MDGA2: variants seen among roughly 807,000 people sequenced by gnomAD.
MDGA2 encodes MAM domain containing glycosylphosphatidylinositol anchor 2, also known as MAM domain-containing glycosylphosphatidylinositol anchor protein 2.
In MDGA2, 40 loss-of-function variants were observed where a neutral mutation model predicts 117.8. The observed-to-expected ratio is 0.34, with a 90% confidence interval of 0.26 to 0.44. The LOEUF (loss-of-function observed/expected upper bound fraction) is 0.44, where lower values mean the gene tolerates loss of function less well. Ranked by LOEUF, MDGA2 falls within the 20% of genes least tolerant of loss-of-function variation. The pLI, the probability that MDGA2 is intolerant of heterozygous loss-of-function variation, is 1.00. For missense variants in MDGA2, 1,123 were observed against 1,250.6 expected, an observed-to-expected ratio of 0.90 and a Z score of 1.54; for synonymous variants, 452 against 439.0, an observed-to-expected ratio of 1.03 and a Z score of -0.37.
chr14:47,097,824 T>C (rs1880066200), intron 5 of MDGA2, among the ~76,000 whole-genome samples: 1 of 152,014 alleles, frequency 6.6e-6, no homozygotes, highest in African/African-American at 2.4e-5. Flanking sequence ...CCACTACTGT[T>C]TGGGTTATAA....
At chr14:46,921,014 G>C (rs562706197) in intron 9 of MDGA2, among the ~76,000 whole-genome samples, 11 of 152,170 alleles carry the variant, frequency 7.2e-5, no homozygotes, top group African/African-American at 2.6e-4. Context: ...AAAATGAAAA[G>C]TTTACACACC....
Position 46,855,259 on chromosome 14 carries a change from C to G in MDGA2, c.2753-105G>C. The G allele has an allele frequency of 2.3e-6, 2 of 868,716 alleles. No homozygotes were observed. Among genetic ancestry groups the G allele is most frequent in the Non-Finnish European group, 3.5e-6 (2 of 569,452 alleles). The allele number at this position is 868,716 out of a possible 1,614,324, so 53.8% of individuals were successfully genotyped here. A position where few individuals can be genotyped will look rare whatever the true frequency, so the allele number is the denominator to read the frequency against. On this transcript the variant is annotated intron_variant, in intron 14 of 16. Coordinates refer to ENST00000399232, the MANE Select transcript of MDGA2 (RefSeq NM_001113498.3). The surrounding 1 kb of genome is among the most constrained non-coding windows in gnomAD (Gnocchi z 4.1). ...CTTTTTAAACTGAAATTTTACAGAA[C>G]ACTCTAGTGTCTTGTCCTCTCTTCT...
intron 1 of MDGA2, among the ~76,000 whole-genome samples, chr14:47,548,938 TA>T (rs1392100117): frequency 6.6e-6 from 1 of 152,194 alleles, no homozygotes; most frequent in Non-Finnish European, 1.5e-5. Flanking sequence ...TGAGGTTATT[TA>T]TTTTTTTTCA....
rs555821511 is a variant in MDGA2, at chr14:47,006,983, C to T, written c.1819+28028G>A. ...ATTTAAGCAATGTTCTTTCTCATTG[C>T]AACTCATTACCTCCACAAATTTATG... On this transcript the variant is annotated intron_variant, in intron 8 of 16. Transcript: ENST00000399232. Among the ~76,000 whole-genome samples, 3 of 151,852 alleles carry T rather than the reference C, an allele frequency of 2.0e-5. No homozygotes were observed. In the South Asian group the frequency reaches 6.2e-4, roughly 31 times the overall value.
chr14:47,668,649 G>A (rs1277780804), intron 1 of MDGA2, among the ~76,000 whole-genome samples: 2 of 152,200 alleles, frequency 1.3e-5, no homozygotes, highest in Non-Finnish European at 2.9e-5. Context: ...AGAAACAAAA[G>A]TTATTTTGTG....
intron 1 of MDGA2, among the ~76,000 whole-genome samples, chr14:47,397,933 T>C (rs767456670): frequency 2.0e-5 from 3 of 152,166 alleles, no homozygotes; most frequent in Non-Finnish European, 4.4e-5. Flanking sequence ...ATCTGGTGAC[T>C]AACAATTACA....
chr14:47,651,324 ATT>A (rs1897639968), intron 1 of MDGA2, among the ~76,000 whole-genome samples: 1 of 151,894 alleles, frequency 6.6e-6, no homozygotes, highest in Non-Finnish European at 1.5e-5. Context: ...CAGGGCAGAC[ATT>A]TTCGGAGCAA....
chr14:47,532,497 C>T (rs765818772), intron 1 of MDGA2, among the ~76,000 whole-genome samples: 39 of 152,310 alleles, frequency 2.6e-4, no homozygotes, highest in Non-Finnish European at 4.9e-4. Context: ...TAGGGCCATA[C>T]CTCTAGCCCT....
rs145494755 is a variant in MDGA2 at position 47,661,340 on chromosome 14, T to C, written c.280+13177A>G. Among the ~76,000 whole-genome samples, 545 of 152,318 alleles carry C rather than the reference T, an allele frequency of 3.6e-3. 3 individuals carry two copies. Among genetic ancestry groups the C allele is most frequent in the African/African-American group, 0.013 (520 of 41,574 alleles). Reference sequence around the variant, plus strand: ...AGATTAGTGCATGGTACAATGTGTATAAAACTTCTAATACAAGGTGTGGCA... The same window carrying C: ...AGATTAGTGCATGGTACAATGTGTACAAAACTTCTAATACAAGGTGTGGCA... On this transcript the variant is annotated intron_variant, in intron 1 of 16. Coordinates refer to ENST00000399232, the MANE Select transcript of MDGA2 (RefSeq NM_001113498.3).
chr14:46,956,890 T>C (rs747255240), intron 9 of MDGA2, among the ~76,000 whole-genome samples: 1 of 152,122 alleles, frequency 6.6e-6, no homozygotes. Context: ...TGAGATCTGA[T>C]AGTTTAAAAG....
chr14:47,311,932 G>A (rs1889648649), intron 1 of MDGA2, among the ~76,000 whole-genome samples: 1 of 151,860 alleles, frequency 6.6e-6, no homozygotes, highest in Non-Finnish European at 1.5e-5. Flanking sequence ...GGGGATTTGG[G>A]GAGCAAGAAT....
At position 47,170,742 on chromosome 14, in the gene MDGA2, T is replaced by C. The variant is rs146326060; in HGVS notation, c.596-26468A>G. Among the ~76,000 whole-genome samples the C allele has an allele frequency of 3.3e-5, 5 of 152,290 alleles. No individual in the cohort carries two copies. In the East Asian group the frequency reaches 9.6e-4, roughly 29 times the overall value. Reference sequence around the variant, plus strand: ...CAAAAGAATAAAACATTCTAGGAAGTTTCCTATAAAAACTTCTGACAAGTC... The same window carrying C: ...CAAAAGAATAAAACATTCTAGGAAGCTTCCTATAAAAACTTCTGACAAGTC... On this transcript the variant is annotated intron_variant, in intron 3 of 16. Transcript: ENST00000399232.
At chr14:47,062,839 C>G (rs1486645207) in intron 6 of MDGA2, among the ~76,000 whole-genome samples, 1 of 152,022 alleles carries the variant, frequency 6.6e-6, no homozygotes, top group Non-Finnish European at 1.5e-5. Flanking sequence ...GTCTTAAAAA[C>G]TTTTCTAAGT....
chr14:46,967,121 G>A (rs577975109), intron 8 of MDGA2, among the ~76,000 whole-genome samples: 1 of 147,156 alleles, frequency 6.8e-6, no homozygotes, highest in East Asian at 2.0e-4. Context: ...AATATAACCT[G>A]TTTTTAAATA....
rs77793469 is a variant in MDGA2, at chr14:47,289,218, C to T, written c.420+12193G>A. Among the ~76,000 whole-genome samples, 671 of 151,558 alleles carry T rather than the reference C, an allele frequency of 4.4e-3. 3 individuals are homozygous for T. Among genetic ancestry groups the T allele is most frequent in the African/African-American group, 0.016 (642 of 41,322 alleles). On this transcript the variant is annotated intron_variant, in intron 2 of 16. Transcript: ENST00000399232. ...GGATAAATTGTGTTCAATAGGACCA[C>T]AAGTAGATTGCTACTATATTTATTT...
chr14:46,878,027 GC>G, intron 11 of MDGA2, among the ~76,000 whole-genome samples: 1 of 151,874 alleles, frequency 6.6e-6, no homozygotes, highest in Admixed American at 6.6e-5. Flanking sequence ...AAAATGAATA[GC>G]TACATCAATG....
At chr14:47,007,929 T>C (rs1887767043) in intron 8 of MDGA2, among the ~76,000 whole-genome samples, 1 of 151,722 alleles carries the variant, frequency 6.6e-6, no homozygotes, top group Non-Finnish European at 1.5e-5. Context: ...TCTAAGAAAA[T>C]AAAATGAGCA....
intron 1 of MDGA2, among the ~76,000 whole-genome samples, chr14:47,484,445 A>C (rs1037795893): frequency 6.6e-6 from 1 of 152,210 alleles, no homozygotes; most frequent in African/African-American, 2.4e-5. Context: ...AAGCAGGGGA[A>C]AGATTCATCA....
intron 1 of MDGA2, among the ~76,000 whole-genome samples, chr14:47,497,353 C>G (rs1057126481): frequency 2.0e-5 from 3 of 152,060 alleles, no homozygotes; most frequent in African/African-American, 7.2e-5. Flanking sequence ...ATCTCTCTGG[C>G]TCAATCAATT....
Sources: gnomAD v4.1 joint callset for allele counts (sites outside exome capture counted in the v4.1 genomes callset) on GRCh38, gnomAD v4.1.1 for gene constraint, Gnocchi (gnomAD v3.1) non-coding constraint, MANE v1.5 for transcripts, NCBI Gene and HGNC (gene_info 2026-07-23, HGNC 2026-07-21) for gene names.